The following AGMO variants were observed in gnomAD, a reference collection of about 807,000 sequenced individuals.
AGMO encodes glyceryl-ether monooxygenase.
Under a neutral mutation model 60.2 loss-of-function variants are expected in AGMO, and 75 were observed. The observed-to-expected ratio is 1.25, with a 90% CI of 1.03 to 1.51. AGMO has a LOEUF of 1.51. Ranked by LOEUF, AGMO falls within the 40% of genes most tolerant of loss-of-function variation. The pLI, the probability that AGMO is intolerant of heterozygous loss-of-function variation, is 0.00. For synonymous variants in AGMO, 261 were observed against 177.1 expected (o/e 1.47, Z -3.76); for missense variants, 763 against 525.5 (o/e 1.45, Z -4.42).
the AGMO span, among the ~76,000 whole-genome samples, chr7:15,122,012 C>CT: frequency 6.6e-6 from 1 of 152,102 alleles, no homozygotes; most frequent in African/African-American, 2.4e-5. Flanking sequence ...GACTTCACGA[C>CT]TAAAACACCA....
the AGMO span, among the ~76,000 whole-genome samples, chr7:15,164,300 A>G: frequency 6.6e-6 from 1 of 152,058 alleles, no homozygotes; most frequent in Non-Finnish European, 1.5e-5. Context: ...CTAGAAGAAA[A>G]CCTAGGAAAA....
chr7:15,120,026 C>T, the AGMO span, among the ~76,000 whole-genome samples: 9 of 151,572 alleles, frequency 5.9e-5, no homozygotes, highest in South Asian at 1.7e-3. Flanking sequence ...CAATTCACAC[C>T]TTGAAATCCC....
intron 12 of AGMO, among the ~76,000 whole-genome samples, chr7:15,348,428 G>GA (rs1231602317): frequency 1.3e-5 from 2 of 151,752 alleles, no homozygotes; most frequent in East Asian, 3.9e-4. Context: ...GCTATTACCA[G>GA]AAAAAAATGA....
At chr7:15,236,686 T>A (rs1359264158) in intron 12 of AGMO, among the ~76,000 whole-genome samples, 1 of 152,152 alleles carries the variant, frequency 6.6e-6, no homozygotes, top group Non-Finnish European at 1.5e-5. Flanking sequence ...TGAGGATATA[T>A]GATTTAAAGA....
chr7:15,259,182 C>A (rs756290070), intron 12 of AGMO, among the ~76,000 whole-genome samples: 2 of 151,914 alleles, frequency 1.3e-5, no homozygotes, highest in Non-Finnish European at 2.9e-5. Flanking sequence ...AAGAAAAATT[C>A]TTCAGTGAAA....
intron 12 of AGMO, among the ~76,000 whole-genome samples, chr7:15,294,095 G>C (rs1266140772): frequency 6.6e-6 from 1 of 152,062 alleles, no homozygotes; most frequent in African/African-American, 2.4e-5. Context: ...ACCTTGAACA[G>C]GTTCCAGAAA....
intron 2 of AGMO, among the ~76,000 whole-genome samples, chr7:15,552,020 T>C (rs1784975489): frequency 6.6e-6 from 1 of 151,762 alleles, no homozygotes; most frequent in Non-Finnish European, 1.5e-5. Context: ...ATGCCACATA[T>C]CTGCAACTAT....
intron 5 of AGMO, among the ~76,000 whole-genome samples, chr7:15,401,586 G>A (rs1784553722): frequency 6.6e-6 from 1 of 151,936 alleles, no homozygotes; most frequent in Admixed American, 6.6e-5. Flanking sequence ...ATCTGCAAAT[G>A]GATACTAAAA....
At chr7:15,211,072 C>T (rs1329271547) in intron 12 of AGMO, among the ~76,000 whole-genome samples, 2 of 151,306 alleles carry the variant, frequency 1.3e-5, no homozygotes, top group Non-Finnish European at 2.9e-5. Flanking sequence ...GAAAAAAAAA[C>T]TCTGAAAAAG....
At chr7:15,483,352 G>A (rs918404378) in intron 3 of AGMO, among the ~76,000 whole-genome samples, 1 of 152,150 alleles carries the variant, frequency 6.6e-6, no homozygotes, top group African/African-American at 2.4e-5. Flanking sequence ...GGATCACGAG[G>A]TCAGGAGATT....
chr7:15,551,346 G>C (rs1222591070), intron 2 of AGMO, among the ~76,000 whole-genome samples: 1 of 149,950 alleles, frequency 6.7e-6, no homozygotes, highest in African/African-American at 2.5e-5. Context: ...GGAAATAAAG[G>C]GTATTCAATT....
chr7:15,493,901 G>T (rs964626891), intron 3 of AGMO, among the ~76,000 whole-genome samples: 2 of 152,106 alleles, frequency 1.3e-5, no homozygotes, highest in Non-Finnish European at 2.9e-5. Context: ...TTTATGGGTT[G>T]TATGAGATAT....
At chr7:15,366,094 T>G (rs765356556) in intron 11 of AGMO, 46 bp downstream of exon 11, 1 of 1,448,852 alleles carries the variant, frequency 6.9e-7, no homozygotes, top group South Asian at 1.2e-5. Flanking sequence ...TGGAAAATTC[T>G]TGAATTGAGT....
At chr7:15,171,321 A>G in the AGMO span, among the ~76,000 whole-genome samples, 1 of 152,138 alleles carries the variant, frequency 6.6e-6, no homozygotes, top group African/African-American at 2.4e-5. Context: ...AGAGGTAAAG[A>G]GTCATTGTCC....
Position 15,258,071 on chromosome 7 carries a change from G to A in AGMO, c.1264-56712C>T, listed in dbSNP as rs1431920279. Among the ~76,000 whole-genome samples, 10 of 152,074 alleles carry A rather than the reference G, an allele frequency of 6.6e-5. 1 individual carries two copies. In the South Asian group the frequency reaches 8.3e-4, roughly 13 times the overall value. ...CATTAGAGCGATAACATTCTCAACC[G>A]GATTGCCATCTTATAACAACACTAT... On this transcript the variant is annotated intron_variant, in intron 12 of 12. Transcript: ENST00000342526.
chr7:15,224,373 G>T (rs189710144), intron 12 of AGMO, among the ~76,000 whole-genome samples: 179 of 152,046 alleles, frequency 1.2e-3, no homozygotes, highest in African/African-American at 4.2e-3. Context: ...TGAATGGGAT[G>T]AATGTACTTA....
chr7:15,139,537 C>T, the AGMO span, among the ~76,000 whole-genome samples: 1 of 152,048 alleles, frequency 6.6e-6, no homozygotes, highest in Non-Finnish European at 1.5e-5. Context: ...TAAGTAGGCC[C>T]CCGTGCCTGT....
At chr7:15,385,044 T>C (rs577893936) in intron 10 of AGMO, among the ~76,000 whole-genome samples, 88 of 152,270 alleles carry the variant, frequency 5.8e-4, no homozygotes, top group African/African-American at 1.8e-3. Context: ...AACTCTACAC[T>C]GAAAACCCTT....
At chr7:15,322,513 T>C (rs1414263501) in intron 12 of AGMO, among the ~76,000 whole-genome samples, 4 of 88,854 alleles carry the variant, frequency 4.5e-5, no homozygotes, top group South Asian at 6.6e-4. Context: ...TAAATATATA[T>C]ATAAATATAT....
Sources: allele counts gnomAD v4.1 joint callset (sites outside exome capture counted in the v4.1 genomes callset), GRCh38; gene constraint gnomAD v4.1.1; transcripts MANE v1.5; gene names NCBI Gene and HGNC (gene_info 2026-07-23, HGNC 2026-07-21).